The following PPEF1 variants were observed in gnomAD, a reference collection of about 807,000 sequenced individuals.
PPEF1 encodes the protein protein phosphatase with EF-hand domain 1.
In PPEF1, 12 loss-of-function variants were observed where a neutral mutation model predicts 53.3. The ratio of observed to expected loss-of-function variants is 0.23; its 90% CI spans 0.14 to 0.36. PPEF1 has a LOEUF of 0.36. PPEF1 is among the 10% of genes least tolerant of loss of function. The probability of loss-of-function intolerance (pLI) is 1.00; values close to 1 mark genes in which losing one functional copy is unlikely to be tolerated. For synonymous variants in PPEF1, 165 were observed against 176.7 expected, an observed-to-expected ratio of 0.93 and a Z score of 0.52; for missense variants, 334 against 490.4, an observed-to-expected ratio of 0.68 and a Z score of 3.01.
chrX:18,786,673 C>CT (rs2046208519), intron 9 of PPEF1, among the ~76,000 whole-genome samples: 1 of 106,434 alleles, frequency 9.4e-6, no homozygotes, highest in Non-Finnish European at 1.9e-5. Context: ...ATCCCAGCTA[C>CT]TTGGGAGGCT....
At chrX:18,703,135 C>A (rs1004669300), upstream of PPEF1, among the ~76,000 whole-genome samples, 1 of 110,992 alleles carries the variant, frequency 9.0e-6, no homozygotes, top group African/African-American at 3.3e-5. Context: ...GCACTGCTTA[C>A]AAACTCACTT....
intron 1 of PPEF1, among the ~76,000 whole-genome samples, chrX:18,677,528 A>G (rs1823185458): frequency 8.9e-6 from 1 of 111,925 alleles, no homozygotes; most frequent in Admixed American, 9.5e-5. Flanking sequence ...GCTTAGCTCA[A>G]GTGAACCCTT....
chrX:18,757,018 T>G (rs1270312194), intron 4 of PPEF1, among the ~76,000 whole-genome samples: 1 of 110,985 alleles, frequency 9.0e-6, no homozygotes, highest in African/African-American at 3.3e-5. Flanking sequence ...GAGACCAGCC[T>G]GGGCAACCTA....
rs751111994 is a variant in PPEF1 at position 18,741,387 on chromosome X, CATT to C, written c.235+7580_235+7582del. Among the ~76,000 whole-genome samples, 218 of 111,811 alleles carry C rather than the reference CATT, an allele frequency of 1.9e-3. 1 individual carries two copies. The highest frequency in any genetic ancestry group is 9.3e-3 in the Middle Eastern group (2 of 216). ...GAGATGTCTACTCAGACTGTGTTGT[CATT>C]GTTGTTGTTTTAATCTGCATTTTAA... On this transcript the variant is annotated intron_variant, in intron 3 of 15. Transcript: ENST00000470157.
At chrX:18,736,096 T>C (rs1231487773) in intron 3 of PPEF1, among the ~76,000 whole-genome samples, 1 of 111,603 alleles carries the variant, frequency 9.0e-6, no homozygotes, top group Non-Finnish European at 1.9e-5. Context: ...TGACTTCCTC[T>C]TTTCCTAATT....
In PPEF1 at chrX:18,709,298, A is replaced by G. The variant is rs371498028; in HGVS notation, c.46+1472A>G. Among the ~76,000 whole-genome samples the G allele has an allele frequency of 1.7e-4, 19 of 111,805 alleles. No individual in the cohort carries two copies. The South Asian group carries it at 7.1e-3, about 42-fold the overall frequency. ...AACCACAAATCTATATTCAGTCTCTATGGATTTATCTATTCTGGACATTTC... is the reference window on the plus strand; with the variant it reads ...AACCACAAATCTATATTCAGTCTCTGTGGATTTATCTATTCTGGACATTTC... On this transcript the variant is annotated intron_variant, in intron 1 of 15. Transcript: ENST00000470157.
rs754882644 is a variant in PPEF1 at position 18,827,227 on chromosome X, A to T, written c.1751-49A>T. ...GTGTGGGTTCCCCAACCCTTGCCTTAGGTGGGTCTTAAAATGAACACTCAC... is the reference window on the plus strand; with the variant it reads ...GTGTGGGTTCCCCAACCCTTGCCTTTGGTGGGTCTTAAAATGAACACTCAC... On this transcript the variant is annotated intron_variant, in intron 15 of 15. Transcript: ENST00000470157. 7.4e-6 allele frequency: 8 copies of T among 1,084,525 alleles called. No individual in the cohort carries two copies. The African/African-American group carries it at 1.3e-4, about 17-fold the overall frequency. The allele number at this position is 1,084,525 out of a possible 1,213,427, so 89.4% of individuals were successfully genotyped here. A position where few individuals can be genotyped will look rare whatever the true frequency, so the allele number is the denominator to read the frequency against.
chrX:18,818,235 G>A (rs1281500996), intron 13 of PPEF1, 90 bp downstream of exon 13: 2 of 528,828 alleles, frequency 3.8e-6, no homozygotes, highest in Non-Finnish European at 5.9e-6. Flanking sequence ...TAGGATTTCA[G>A]TTCTCCATTT....
intron 13 of PPEF1, among the ~76,000 whole-genome samples, chrX:18,820,388 C>CT (rs35499193): frequency 7.8e-4 from 74 of 95,127 alleles, no homozygotes; most frequent in South Asian, 1.4e-3. Flanking sequence ...TTAGCAGACT[C>CT]TTTTTTTTTT....
At chrX:18,821,804 A>AGAGAGAGAG (rs1569273883) in intron 13 of PPEF1, among the ~76,000 whole-genome samples, 6 of 68,604 alleles carry the variant, frequency 8.7e-5, no homozygotes, top group Admixed American at 1.6e-4. Flanking sequence ...AGAGAGAGAG[A>AGAGAGAGAG]AAACAAATAA....
At chrX:18,816,266 T>A (rs2046911361) in intron 12 of PPEF1, among the ~76,000 whole-genome samples, 1 of 111,948 alleles carries the variant, frequency 8.9e-6, no homozygotes, top group Admixed American at 9.6e-5. Flanking sequence ...TGGTTAAGAT[T>A]TTGTTGTTTA....
intron 1 of PPEF1, among the ~76,000 whole-genome samples, chrX:18,729,334 G>T (rs769776464): frequency 8.9e-6 from 1 of 111,847 alleles, no homozygotes; most frequent in South Asian, 3.8e-4. Context: ...ATGTTAATTA[G>T]TTTATTCCCT....
intron 6 of PPEF1, among the ~76,000 whole-genome samples, chrX:18,773,203 C>T (rs1796586479): frequency 8.9e-6 from 1 of 112,223 alleles, no homozygotes; most frequent in South Asian, 3.7e-4. Context: ...ACAATTTCTT[C>T]TTGCATTTAG....
At chrX:18,714,785 G>A (rs1052618581) in intron 1 of PPEF1, among the ~76,000 whole-genome samples, 4 of 112,180 alleles carry the variant, frequency 3.6e-5, no homozygotes, top group African/African-American at 1.3e-4. Flanking sequence ...TGTAACATAC[G>A]TTTGATCCTC....
chrX:18,777,206 G>T (rs1206935071), intron 6 of PPEF1, among the ~76,000 whole-genome samples: 1 of 112,111 alleles, frequency 8.9e-6, no homozygotes, highest in Non-Finnish European at 1.9e-5. Flanking sequence ...CTATGCCATT[G>T]CTTGTTTATT....
At chrX:18,710,046 T>A (rs2044291641) in intron 1 of PPEF1, among the ~76,000 whole-genome samples, 1 of 111,950 alleles carries the variant, frequency 8.9e-6, no homozygotes, top group Non-Finnish European at 1.9e-5. Flanking sequence ...ATTTTAGTCA[T>A]CCTAGTGGGT....
intron 10 of PPEF1, among the ~76,000 whole-genome samples, chrX:18,800,297 A>G (rs1464648883): frequency 1.8e-5 from 2 of 110,731 alleles, no homozygotes; most frequent in African/African-American, 6.5e-5. Context: ...TTATTTTCAT[A>G]TACTTTATCA....
intron 1 of PPEF1, among the ~76,000 whole-genome samples, chrX:18,725,073 C>T (rs1018121652): frequency 9.9e-5 from 11 of 111,137 alleles, no homozygotes; most frequent in African/African-American, 3.6e-4. Flanking sequence ...TACCCCAAAT[C>T]TCAACGTAGA....
rs1208049949 is a variant in PPEF1 at position 18,786,837 on chromosome X, T to C, written c.913-2284T>C. On this transcript the variant is annotated intron_variant, in intron 9 of 15. Coordinates refer to ENST00000470157, the MANE Select transcript of PPEF1 (RefSeq NM_001377996.1). ...AAAATGGCATATACTACTAAACATA[T>C]AGCTTTCTCCTCCAGTTCTCTCTTC... is the stretch of plus-strand genomic sequence containing the variant. 2.9e-5 allele frequency among the ~76,000 whole-genome samples: 3 copies of C among 104,975 alleles called. No individual in the cohort carries two copies. In the East Asian group the frequency reaches 9.0e-4, roughly 32 times the overall value. 91.2% of individuals were successfully genotyped at this position (104,975 alleles called of 115,157 possible).
Sources: allele counts gnomAD v4.1 joint callset (sites outside exome capture counted in the v4.1 genomes callset), GRCh38; gene constraint gnomAD v4.1.1; transcripts MANE v1.5; gene names NCBI Gene and HGNC (gene_info 2026-07-23, HGNC 2026-07-21).